The following SLC14A2 variants were observed in gnomAD, a reference collection of about 807,000 sequenced individuals.
SLC14A2 encodes urea transporter 2.
In SLC14A2, 91 loss-of-function variants were observed where a neutral mutation model predicts 104.6. The ratio of observed to expected loss-of-function variants is 0.87; its 90% confidence interval spans 0.73 to 1.04. The LOEUF (loss-of-function observed/expected upper bound fraction) is 1.04. SLC14A2 is among the 50% of genes least tolerant of loss of function. SLC14A2 has a pLI of 0.00. For missense variants in SLC14A2, 1,189 were observed against 1,156.0 expected, an observed-to-expected ratio of 1.03 and a Z score of -0.41; for synonymous variants, 476 against 466.4, an observed-to-expected ratio of 1.02 and a Z score of -0.27.
chr18:45,570,446 T>C (rs568138868), intron 2 of SLC14A2, among the ~76,000 whole-genome samples: 2 of 152,266 alleles, frequency 1.3e-5, no homozygotes, highest in South Asian at 2.1e-4. Flanking sequence ...AATACCAGAA[T>C]CTGAGAGTGA....
intron 19 of SLC14A2, among the ~76,000 whole-genome samples, chr18:45,679,917 A>G (rs2144667680): frequency 6.6e-6 from 1 of 152,284 alleles, no homozygotes; most frequent in Non-Finnish European, 1.5e-5. Flanking sequence ...TCTAGTACTC[A>G]TTGGTCTTCT....
intron 1 of SLC14A2, among the ~76,000 whole-genome samples, chr18:45,317,503 A>G (rs1281470615): frequency 6.6e-6 from 1 of 152,228 alleles, no homozygotes; most frequent in Non-Finnish European, 1.5e-5. Flanking sequence ...AGAGAATAAC[A>G]GGAGCCTGTT....
chr18:45,669,359 T>C lies in SLC14A2; in HGVS notation c.2090T>C (p.Val697Ala), dbSNP rs1160413892. The C allele has an allele frequency of 1.9e-6, 3 of 1,614,128 alleles. No individual in the cohort carries two copies. The highest frequency in any genetic ancestry group is 2.2e-5 in the South Asian group (2 of 91,080). The change falls in exon 16 of 20, where the codon GTC becomes GCC. Residue 697 changes from valine (V) to alanine (A), a missense_variant. Physicochemically the swap from Val to Ala is moderately conservative, Grantham distance 64 (BLOSUM62 0). Transcript: ENST00000255226. ...GTIFSKWDLP[V>A]FTLPFNITVT... Reference sequence around the variant, plus strand: ...ATCTTCAGCAAGTGGGACCTCCCAGTCTTCACACTGCCCTTCAATATCACT... The same window carrying C: ...ATCTTCAGCAAGTGGGACCTCCCAGCCTTCACACTGCCCTTCAATATCACT...
intron 1 of SLC14A2, among the ~76,000 whole-genome samples, chr18:45,312,738 G>A (rs1356543973): frequency 6.6e-6 from 1 of 152,218 alleles, no homozygotes; most frequent in African/African-American, 2.4e-5. Context: ...GTGCAGGCAA[G>A]GCTGAGAGCG....
At chr18:45,495,407 T>C (rs1161692513) in intron 2 of SLC14A2, among the ~76,000 whole-genome samples, 1 of 152,192 alleles carries the variant, frequency 6.6e-6, no homozygotes, top group Non-Finnish European at 1.5e-5. Context: ...TAAATTAAAC[T>C]CTAGGGCATA....
intron 1 of SLC14A2, among the ~76,000 whole-genome samples, chr18:45,356,919 C>A (rs868155622): frequency 2.6e-5 from 4 of 152,190 alleles, no homozygotes; most frequent in African/African-American, 2.4e-5. Context: ...GCCTGGGAAC[C>A]TGGGGCTGGG....
At chr18:45,634,752 CAGTT>C (rs2045392448) in intron 5 of SLC14A2, 1 of 451,870 alleles carries the variant, frequency 2.2e-6, no homozygotes. Context: ...TGATAGAAAG[CAGTT>C]AGAGAGTTTT....
chr18:45,273,912 A>G (rs1005192699), intron 1 of SLC14A2, among the ~76,000 whole-genome samples: 2 of 152,220 alleles, frequency 1.3e-5, no homozygotes, highest in South Asian at 4.1e-4. Flanking sequence ...CTGAATACTA[A>G]GATTCCATTA....
At chr18:45,577,967 G>C (rs918781190) in intron 2 of SLC14A2, among the ~76,000 whole-genome samples, 4 of 152,172 alleles carry the variant, frequency 2.6e-5, no homozygotes, top group Admixed American at 2.6e-4. Context: ...AAAGGACATA[G>C]AGGCAGCTCA....
intron 1 of SLC14A2, among the ~76,000 whole-genome samples, chr18:45,358,526 G>T (rs561421769): frequency 1.3e-5 from 2 of 152,240 alleles, no homozygotes; most frequent in Non-Finnish European, 1.5e-5. Context: ...CCCACTAGAG[G>T]AATACAATGA....
chr18:45,463,214 T>G (rs1464529317), intron 1 of SLC14A2, among the ~76,000 whole-genome samples: 1 of 152,202 alleles, frequency 6.6e-6, no homozygotes, highest in Non-Finnish European at 1.5e-5. Context: ...TACCTTAATC[T>G]GGGTTCCCTG....
chr18:45,669,586 A>G, intron 16 of SLC14A2, 88 bp downstream of exon 16: 1 of 1,086,456 alleles, frequency 9.2e-7, no homozygotes, highest in Non-Finnish European at 1.4e-6. Flanking sequence ...AACATCCACA[A>G]GTAATAATTT....
chr18:45,385,679 CT>C (rs1201749619), intron 1 of SLC14A2, among the ~76,000 whole-genome samples: 1 of 152,154 alleles, frequency 6.6e-6, no homozygotes, highest in Non-Finnish European at 1.5e-5. Context: ...GTGTAAGTGA[CT>C]TGCTCAAGAT....
In SLC14A2 at chr18:45,462,998, G is replaced by A. The variant is rs532294658; in HGVS notation, c.-124-20235G>A. 3.3e-5 allele frequency among the ~76,000 whole-genome samples: 5 copies of A among 152,124 alleles called. No homozygotes were observed. In the East Asian group the frequency reaches 5.8e-4, roughly 18 times the overall value. ...TGTATGTTAACTTTTTGTTTCCCTC[G>A]GAGTGATCAATGTCCATTCTTATAA... On this transcript the variant is annotated intron_variant, in intron 1 of 20. Coordinates refer to the SLC14A2 transcript ENST00000586448.
chr18:45,549,517 G>C (rs2044024776), intron 2 of SLC14A2, among the ~76,000 whole-genome samples: 1 of 152,210 alleles, frequency 6.6e-6, no homozygotes, highest in African/African-American at 2.4e-5. Context: ...GAGGGAAGCA[G>C]GGGGGAAGAA....
At position 45,667,039 on chromosome 18, in the gene SLC14A2, C is replaced by G. The variant is rs1290251392; in HGVS notation, c.1662C>G (p.Ser554Arg). ...SSMAASGKRVSKALSYITGEM... is the reference protein window; with the variant it reads ...SSMAASGKRVRKALSYITGEM... ...TGGCTGCCAGTGGGAAAAGGGTCAG[C>G]AAAGCCCTCAGCTACATCACAGGAG... is the stretch of plus-strand genomic sequence containing the variant. Residue 554 changes from serine (S) to arginine (R), a missense_variant, in exon 13 of 20, where the codon AGC becomes AGG. Physicochemically the swap from Ser to Arg is moderately radical, Grantham distance 110 (BLOSUM62 -1). Transcript: ENST00000255226. 1 of 1,613,794 alleles carries G rather than the reference C, an allele frequency of 6.2e-7. No homozygotes were observed. The highest frequency in any genetic ancestry group is 8.5e-7 in the Non-Finnish European group (1 of 1,179,710).
chr18:45,401,791 T>C (rs747859643), intron 1 of SLC14A2, among the ~76,000 whole-genome samples: 1 of 152,088 alleles, frequency 6.6e-6, no homozygotes, highest in Non-Finnish European at 1.5e-5. Context: ...TGGTAGAAGA[T>C]GTAGGAAATA....
intron 2 of SLC14A2, among the ~76,000 whole-genome samples, chr18:45,490,267 C>T (rs1309993923): frequency 6.6e-6 from 1 of 152,082 alleles, no homozygotes; most frequent in Non-Finnish European, 1.5e-5. Flanking sequence ...ATAGAGAGAC[C>T]AGTGGAATAA....
intron 1 of SLC14A2, among the ~76,000 whole-genome samples, chr18:45,221,023 C>T (rs933502339): frequency 3.9e-5 from 6 of 152,288 alleles, no homozygotes; most frequent in South Asian, 2.1e-4. Flanking sequence ...ACAAGAGTCT[C>T]ATTTCAATTG....
Sources: allele counts gnomAD v4.1 joint callset (sites outside exome capture counted in the v4.1 genomes callset), GRCh38; gene constraint gnomAD v4.1.1; transcripts MANE v1.5; gene names NCBI Gene and HGNC (gene_info 2026-07-23, HGNC 2026-07-21).